The following PTPRD variants were observed in gnomAD, a reference collection of about 807,000 sequenced individuals.
PTPRD encodes receptor-type tyrosine-protein phosphatase delta.
Under a neutral mutation model 214.5 loss-of-function variants are expected in PTPRD, and 34 were observed. The observed-to-expected ratio is 0.16, with a 90% confidence interval of 0.12 to 0.21. The LOEUF (loss-of-function observed/expected upper bound fraction) is 0.21, where lower values mean the gene tolerates loss of function less well. Ranked by LOEUF, PTPRD falls within the 10% of genes least tolerant of loss-of-function variation. PTPRD has a pLI of 1.00. For missense variants in PTPRD, 2,545 were observed against 2,398.7 expected (o/e 1.06, Z -1.27); for synonymous variants, 1,128 against 845.7 (o/e 1.33, Z -5.79).
chr9:8,692,844 C>A (rs1306230642), intron 12 of PTPRD, among the ~76,000 whole-genome samples: 1 of 152,164 alleles, frequency 6.6e-6, no homozygotes, highest in Non-Finnish European at 1.5e-5. Flanking sequence ...TCAAGAGTTA[C>A]TGTCAACTTA....
intron 2 of PTPRD, among the ~76,000 whole-genome samples, chr9:10,581,199 A>C (rs2071635811): frequency 6.6e-6 from 1 of 152,218 alleles, no homozygotes; most frequent in Non-Finnish European, 1.5e-5. Context: ...TTATAACGCT[A>C]CCTGGTGCAT....
chr9:8,869,986 T>C (rs1235729502), intron 11 of PTPRD, among the ~76,000 whole-genome samples: 1 of 152,098 alleles, frequency 6.6e-6, no homozygotes, highest in Non-Finnish European at 1.5e-5. Context: ...GTACCGGACA[T>C]TGTAGTACAA....
chr9:8,479,942 T>A (rs2096845196), intron 30 of PTPRD, among the ~76,000 whole-genome samples: 1 of 152,144 alleles, frequency 6.6e-6, no homozygotes, highest in African/African-American at 2.4e-5. Flanking sequence ...TTAGATATGA[T>A]CTCCTTCAGG....
At chr9:9,631,594 T>C (rs761308677) in intron 7 of PTPRD, among the ~76,000 whole-genome samples, 15 of 152,048 alleles carry the variant, frequency 9.9e-5, no homozygotes, top group Non-Finnish European at 1.8e-4. Flanking sequence ...AAAATACAAG[T>C]CAAGTAGGTT....
At chr9:9,071,342 A>G (rs1229486297) in intron 10 of PTPRD, among the ~76,000 whole-genome samples, 1 of 152,154 alleles carries the variant, frequency 6.6e-6, no homozygotes, top group Non-Finnish European at 1.5e-5. Context: ...TTAGATGCCA[A>G]ATAGGTTGAT....
chr9:9,336,666 A>C (rs960430827), intron 9 of PTPRD, among the ~76,000 whole-genome samples: 17 of 152,188 alleles, frequency 1.1e-4, no homozygotes, highest in African/African-American at 3.9e-4. Flanking sequence ...GAAATATGCT[A>C]ATATTTTTTA....
intron 7 of PTPRD, among the ~76,000 whole-genome samples, chr9:9,704,624 T>C (rs2097564827): frequency 1.3e-5 from 2 of 152,202 alleles, no homozygotes; most frequent in Admixed American, 1.3e-4. Context: ...CCAAGAATAT[T>C]TCACAATAAT....
At chr9:9,672,035 T>C (rs183619707) in intron 7 of PTPRD, among the ~76,000 whole-genome samples, 188 of 152,296 alleles carry the variant, frequency 1.2e-3, no homozygotes, top group African/African-American at 4.2e-3. Context: ...TTTGAGAGAA[T>C]GAGGCAACCT....
At chr9:9,781,833 C>T (rs909486895) in intron 5 of PTPRD, among the ~76,000 whole-genome samples, 3 of 150,954 alleles carry the variant, frequency 2.0e-5, no homozygotes, top group Non-Finnish European at 2.9e-5. Flanking sequence ...CGCTCTGTCG[C>T]CCAGGCTGGA....
In PTPRD at chr9:8,317,301, A is replaced by C. The variant is rs1822646114; in HGVS notation, c.*573T>G. 8.6e-6 allele frequency: 2 copies of C among 232,404 alleles called. No homozygotes were observed. Among genetic ancestry groups the C allele is most frequent in the East Asian group, 1.2e-4 (2 of 16,426 alleles). The allele number at this position is 232,404 out of a possible 1,614,324, so 14.4% of individuals were successfully genotyped here. A position where few individuals can be genotyped will look rare whatever the true frequency, so the allele number is the denominator to read the frequency against. Reference sequence around the variant, plus strand: ...TAAAATTCACTTTATCGAATGATACATTTTGTTAAAAAAAAGTTTACACAG... The same window carrying C: ...TAAAATTCACTTTATCGAATGATACCTTTTGTTAAAAAAAAGTTTACACAG... On this transcript the variant is annotated 3_prime_UTR_variant, in exon 46 of 46. Transcript: ENST00000381196.
chr9:10,143,904 G>A (rs1380435542), intron 3 of PTPRD, among the ~76,000 whole-genome samples: 1 of 152,024 alleles, frequency 6.6e-6, no homozygotes, highest in Admixed American at 6.6e-5. Context: ...ATGCAAGAGG[G>A]GAGAGGGAGG....
intron 39 of PTPRD, among the ~76,000 whole-genome samples, chr9:8,352,222 C>G (rs553102603): frequency 3.0e-4 from 46 of 152,122 alleles, no homozygotes; most frequent in Middle Eastern, 3.4e-3. Context: ...AATTAGAAGG[C>G]TAATGTGTTC....
chr9:9,155,084 C>G (rs1419465033), intron 10 of PTPRD, among the ~76,000 whole-genome samples: 3 of 152,140 alleles, frequency 2.0e-5, no homozygotes, highest in Non-Finnish European at 2.9e-5. Context: ...TCAAGAGACA[C>G]AGAAGCAATA....
chr9:10,342,432 A>G (rs2096958702), intron 2 of PTPRD, among the ~76,000 whole-genome samples: 1 of 152,132 alleles, frequency 6.6e-6, no homozygotes, highest in South Asian at 2.1e-4. Flanking sequence ...CTTAATTCAG[A>G]TATGATAAAT....
intron 3 of PTPRD, among the ~76,000 whole-genome samples, chr9:10,126,341 A>T (rs67926901): frequency 0.14 from 20,900 of 151,364 alleles, 1,529 homozygotes; most frequent in South Asian, 0.27. Context: ...TACTTGTTTT[A>T]ATTTTTTAAT....
intron 11 of PTPRD, among the ~76,000 whole-genome samples, chr9:8,858,685 CT>C (rs2098014514): frequency 1.0e-5 from 1 of 98,280 alleles, no homozygotes; most frequent in Non-Finnish European, 2.3e-5. Flanking sequence ...GCGGGGAGAG[CT>C]GGGCCCGCTG....
chr9:8,440,321 T>TA (rs1564824862), intron 34 of PTPRD, among the ~76,000 whole-genome samples: 1 of 35,112 alleles, frequency 2.8e-5, no homozygotes, highest in African/African-American at 1.1e-4. Flanking sequence ...AATGTATTAT[T>TA]TTTTTTTTTT....
intron 2 of PTPRD, among the ~76,000 whole-genome samples, chr9:10,541,556 A>C (rs1200485195): frequency 2.0e-5 from 3 of 151,882 alleles, no homozygotes; most frequent in Admixed American, 6.6e-5. Context: ...TATAATACAC[A>C]AATAAAAATA....
intron 3 of PTPRD, among the ~76,000 whole-genome samples, chr9:10,139,329 A>G (rs193128164): frequency 2.1e-4 from 32 of 152,196 alleles, no homozygotes; most frequent in African/African-American, 7.7e-4. Context: ...AAGGAGATAA[A>G]AAAAACTCTA....
Sources: gnomAD v4.1 joint callset for allele counts (sites outside exome capture counted in the v4.1 genomes callset) on GRCh38, gnomAD v4.1.1 for gene constraint, MANE v1.5 for transcripts, NCBI Gene and HGNC (gene_info 2026-07-23, HGNC 2026-07-21) for gene names.